The following SENP7 variants were observed in gnomAD, a reference collection of about 807,000 sequenced individuals.
SENP7 encodes sentrin-specific protease 7.
Under a neutral mutation model 141.2 loss-of-function variants are expected in SENP7, and 64 were observed. That is an observed-to-expected ratio of 0.45 (90% confidence interval 0.37 to 0.56). The LOEUF is 0.56. SENP7 is among the 20% of genes least tolerant of loss of function. The pLI, the probability that SENP7 is intolerant of heterozygous loss-of-function variation, is 0.00. For synonymous variants in SENP7, 382 were observed against 426.4 expected (o/e 0.90, Z 1.28); for missense variants, 1,025 against 1,212.2 (o/e 0.85, Z 2.29).
chr3:101,497,305 T>A (rs2108131237), intron 2 of SENP7, among the ~76,000 whole-genome samples: 1 of 152,336 alleles, frequency 6.6e-6, no homozygotes, highest in African/African-American at 2.4e-5. Flanking sequence ...ACATATATTT[T>A]TCTAGTCTTG....
chr3:101,386,678 G>A (rs1444447273), intron 6 of SENP7, among the ~76,000 whole-genome samples: 3 of 152,192 alleles, frequency 2.0e-5, no homozygotes, highest in Non-Finnish European at 4.4e-5. Context: ...CTGCGTGCCA[G>A]AAAACAAGTA....
chr3:101,403,193 A>G (rs2061201490), intron 5 of SENP7, among the ~76,000 whole-genome samples: 1 of 152,194 alleles, frequency 6.6e-6, no homozygotes, highest in South Asian at 2.1e-4. Context: ...CGTCACACAA[A>G]TTTTGTGGCT....
rs372154015 is a variant in SENP7 at position 101,496,759 on chromosome 3, GTAGAGATGGGCTTGC to G, written c.91-2806_91-2792del. 6.1e-3 allele frequency among the ~76,000 whole-genome samples: 924 copies of G among 152,078 alleles called. 5 individuals are homozygous for G. Among genetic ancestry groups the G allele is most frequent in the African/African-American group, 0.021 (890 of 41,498 alleles). On this transcript the variant is annotated intron_variant, in intron 2 of 23. Coordinates refer to ENST00000394095, the MANE Select transcript of SENP7 (RefSeq NM_020654.5). ...TACCCAGCTAATTTTTGTATTTTCA[GTAGAGATGGGCTTGC>G]ACCATCTTGGCCAGGCTGGTCTTGA...
Position 101,440,542 on chromosome 3 carries a change from T to C in SENP7, c.284+18413A>G, listed in dbSNP as rs2062623713. 3.9e-5 allele frequency among the ~76,000 whole-genome samples: 5 copies of C among 129,292 alleles called. No individual in the cohort carries two copies. The South Asian group carries it at 1.3e-3, about 33-fold the overall frequency. The allele number at this position is 129,292 out of a possible 152,430, so 84.8% of individuals were successfully genotyped here. A position where few individuals can be genotyped will look rare whatever the true frequency, so the allele number is the denominator to read the frequency against. ...CCCATGACCCTGCCAAATCCCCCTC[T>C]GTGAGAAACACCCAAGAATTATCAA... On this transcript the variant is annotated intron_variant, in intron 4 of 23. Transcript: ENST00000394095.
At chr3:101,341,855 G>A in intron 14 of SENP7, 76 bp from the exon 15 acceptor site, 1 of 1,396,252 alleles carries the variant, frequency 7.2e-7, no homozygotes, top group East Asian at 2.4e-5. Context: ...GTAGACGTGT[G>A]AGAGAAAATG....
At chr3:101,427,075 A>G (rs1265141360) in intron 4 of SENP7, among the ~76,000 whole-genome samples, 1 of 152,194 alleles carries the variant, frequency 6.6e-6, no homozygotes, top group African/African-American at 2.4e-5. Context: ...TATGAACATC[A>G]ATGCAAAAGT....
intron 1 of SENP7, among the ~76,000 whole-genome samples, chr3:101,501,651 A>G (rs2065385522): frequency 6.6e-6 from 1 of 152,184 alleles, no homozygotes; most frequent in African/African-American, 2.4e-5. Context: ...TTTCTGAGTT[A>G]TAACTTCCAA....
At chr3:101,494,615 A>G (rs1384374358) in intron 2 of SENP7, among the ~76,000 whole-genome samples, 4 of 152,186 alleles carry the variant, frequency 2.6e-5, no homozygotes. Flanking sequence ...CCAATGGAAC[A>G]GAACAGAGAA....
chr3:101,357,599 A>G (rs1403239464), intron 11 of SENP7: 3 of 1,079,802 alleles, frequency 2.8e-6, no homozygotes, highest in Non-Finnish European at 4.1e-6. Flanking sequence ...AAAAAGCTGT[A>G]AAAGTGTGGA....
chr3:101,461,110 T>C lies in SENP7; in HGVS notation c.187-2058A>G, dbSNP rs1376182534. The stretch of plus-strand genomic sequence containing the variant: ...CTCAGTGTCATTAGTCATTAGGAAA[T>C]GCAAATCCAAACCAAAGAAGTGAAA... On this transcript the variant is annotated intron_variant, in intron 3 of 23. Coordinates refer to ENST00000394095, the MANE Select transcript of SENP7 (RefSeq NM_020654.5). Among the ~76,000 whole-genome samples, 3 of 151,974 alleles carry C rather than the reference T, an allele frequency of 2.0e-5. No individual in the cohort carries two copies. The East Asian group carries it at 5.8e-4, about 29-fold the overall frequency.
intron 4 of SENP7, among the ~76,000 whole-genome samples, chr3:101,452,334 T>C (rs1203951552): frequency 6.6e-6 from 1 of 152,200 alleles, no homozygotes; most frequent in Non-Finnish European, 1.5e-5. Context: ...AAGCTACCAA[T>C]GACTTTCTTT....
chr3:101,385,185 G>A (rs575451491), intron 6 of SENP7, among the ~76,000 whole-genome samples: 1 of 152,028 alleles, frequency 6.6e-6, no homozygotes, highest in East Asian at 1.9e-4. Flanking sequence ...ATATATATAT[G>A]TGCCACTTAC....
chr3:101,463,376 T>TATATATATATATATATATACAC (rs2063629775), intron 3 of SENP7, among the ~76,000 whole-genome samples: 9 of 85,268 alleles, frequency 1.1e-4, no homozygotes, highest in African/African-American at 4.4e-4. Context: ...TATATATATA[T>TATATATATATATATATATACAC]ATATATATAT....
Position 101,361,792 on chromosome 3 carries a change from T to C in SENP7, c.1546A>G (p.Met516Val), listed in dbSNP as rs1439882148. ...NISSIMPSNEMDLQLDFIFTS... is the reference protein window; with the variant it reads ...NISSIMPSNEVDLQLDFIFTS... ...AATATAAAATCCAGTTGTAGATCCA[T>C]CTCATTACTAGGCATAATACTGGAA... The change falls in exon 11 of 24, where the codon ATG becomes GTG. Residue 516 changes from methionine to valine, a missense_variant. This residue lies in a region of SENP7 where 228 missense variants were observed against 228.5 expected (regional missense o/e 1.00). Coordinates refer to ENST00000394095, the MANE Select transcript of SENP7 (RefSeq NM_020654.5). 1.2e-6 allele frequency: 2 copies of C among 1,608,754 alleles called. No homozygotes were observed. Among genetic ancestry groups the C allele is most frequent in the Non-Finnish European group, 1.7e-6 (2 of 1,178,180 alleles).
chr3:101,461,663 C>T (rs533834328), intron 3 of SENP7, among the ~76,000 whole-genome samples: 1 of 151,274 alleles, frequency 6.6e-6, no homozygotes, highest in South Asian at 2.1e-4. Context: ...CAGCAATTCT[C>T]ACCCTAAGTA....
At chr3:101,495,544 T>G (rs1294307021) in intron 2 of SENP7, among the ~76,000 whole-genome samples, 1 of 152,124 alleles carries the variant, frequency 6.6e-6, no homozygotes, top group Non-Finnish European at 1.5e-5. Context: ...ATATAAAACA[T>G]ATATACATAG....
At chr3:101,458,318 G>A (rs959204665) in intron 4 of SENP7, among the ~76,000 whole-genome samples, 2 of 152,094 alleles carry the variant, frequency 1.3e-5, no homozygotes, top group African/African-American at 4.8e-5. Flanking sequence ...ATTATAATTT[G>A]CTATTGTCAT....
At position 101,326,293 on chromosome 3, in the gene SENP7, G is replaced by A. The variant is rs529043103; in HGVS notation, c.3016-213C>T. The stretch of plus-strand genomic sequence containing the variant: ...AATCCATCTGGAAAGGGTATGAGAG[G>A]GGCAGAACCTGACACCCTATGATGA... On this transcript the variant is annotated intron_variant, in intron 23 of 23. Coordinates refer to ENST00000394095, the MANE Select transcript of SENP7 (RefSeq NM_020654.5). Among the ~76,000 whole-genome samples, 3 of 151,874 alleles carry A rather than the reference G, an allele frequency of 2.0e-5. No homozygotes were observed. The South Asian group carries it at 6.3e-4, about 32-fold the overall frequency.
intron 5 of SENP7, among the ~76,000 whole-genome samples, chr3:101,406,139 G>A (rs185106950): frequency 2.0e-5 from 3 of 152,276 alleles, no homozygotes; most frequent in African/African-American, 4.8e-5. Flanking sequence ...GCACACATAT[G>A]TTTATTGTTG....
Sources: gnomAD v4.1 joint callset for allele counts (sites outside exome capture counted in the v4.1 genomes callset) on GRCh38, gnomAD v4.1.1 for gene constraint, gnomAD v4.1.1 regional missense constraint, MANE v1.5 for transcripts, NCBI Gene and HGNC (gene_info 2026-07-23, HGNC 2026-07-21) for gene names.